RSRC1: variants seen among roughly 807,000 people sequenced by gnomAD.
RSRC1 encodes the protein serine/Arginine-related protein 53.
RSRC1 carries 39 observed loss-of-function variants against 49.1 expected under a neutral mutation model. The ratio of observed to expected loss-of-function variants is 0.79; its 90% confidence interval spans 0.61 to 1.04. RSRC1 has a LOEUF of 1.04. Ranked by LOEUF, RSRC1 falls within the 50% of genes least tolerant of loss-of-function variation. The pLI is 0.00. For missense variants in RSRC1, 388 were observed against 402.4 expected (o/e 0.96, Z 0.31); for synonymous variants, 143 against 130.8 (o/e 1.09, Z -0.63).
chr3:158,318,211 C>G (rs537155285), intron 5 of RSRC1, among the ~76,000 whole-genome samples: 1 of 152,140 alleles, frequency 6.6e-6, no homozygotes, highest in South Asian at 2.1e-4. Flanking sequence ...TTCATGGACT[C>G]CAGGTAGAAA....
chr3:158,513,028 G>C (rs1437427881), intron 7 of RSRC1, among the ~76,000 whole-genome samples: 1 of 134,596 alleles, frequency 7.4e-6, no homozygotes, highest in Non-Finnish European at 1.6e-5. Flanking sequence ...GAGACAATGG[G>C]GTTTTCTAGA....
intron 6 of RSRC1, among the ~76,000 whole-genome samples, chr3:158,452,204 G>A (rs932700991): frequency 6.6e-6 from 1 of 152,130 alleles, no homozygotes; most frequent in Non-Finnish European, 1.5e-5. Context: ...CACAGGCTCT[G>A]TGTATTGGTC....
chr3:158,467,486 A>G (rs1737943351), intron 7 of RSRC1, among the ~76,000 whole-genome samples: 1 of 152,208 alleles, frequency 6.6e-6, no homozygotes, highest in African/African-American at 2.4e-5. Flanking sequence ...AAACCATTTT[A>G]TAGACTTTAT....
At chr3:158,267,380 T>C (rs1725250498) in intron 4 of RSRC1, among the ~76,000 whole-genome samples, 1 of 152,112 alleles carries the variant, frequency 6.6e-6, no homozygotes, top group Non-Finnish European at 1.5e-5. Context: ...TTTGTCTGTG[T>C]AAATAAATGT....
chr3:158,338,484 A>T (rs1289149205), intron 5 of RSRC1, among the ~76,000 whole-genome samples: 1 of 152,200 alleles, frequency 6.6e-6, no homozygotes, highest in Non-Finnish European at 1.5e-5. Context: ...TAAGCTGTTG[A>T]TATGTGTCTC....
Position 158,211,358 on chromosome 3 carries a change from A to C in RSRC1, c.494+8113A>C, listed in dbSNP as rs147673035. Among the ~76,000 whole-genome samples the C allele has an allele frequency of 2.0e-5, 3 of 152,100 alleles. No homozygotes were observed. The East Asian group carries it at 5.8e-4, about 29-fold the overall frequency. ...TACATGAACACTTGCCAAAGATATT[A>C]CTTACCTAATTAATGAGAAAATAAG... On this transcript the variant is annotated intron_variant, in intron 4 of 9. Transcript: ENST00000611884.
At chr3:158,141,955 G>A (rs775526517) in intron 3 of RSRC1, among the ~76,000 whole-genome samples, 2 of 152,038 alleles carry the variant, frequency 1.3e-5, no homozygotes, top group African/African-American at 2.4e-5. Context: ...ATAATTAGCC[G>A]GGCGTGGTGG....
At chr3:158,404,880 C>A (rs1010928834) in intron 6 of RSRC1, among the ~76,000 whole-genome samples, 2 of 151,778 alleles carry the variant, frequency 1.3e-5, no homozygotes, top group African/African-American at 4.8e-5. Context: ...AAAAAGTTTT[C>A]TTTTTCTTTA....
At chr3:158,277,920 TGGGATTATA>T (rs1725908453) in intron 4 of RSRC1, among the ~76,000 whole-genome samples, 1 of 152,178 alleles carries the variant, frequency 6.6e-6, no homozygotes, top group South Asian at 2.1e-4. Flanking sequence ...ACCTAGTAGT[TGGGATTATA>T]GGCATGAGCC....
chr3:158,368,053 G>A (rs1731874972), intron 6 of RSRC1, among the ~76,000 whole-genome samples: 3 of 152,040 alleles, frequency 2.0e-5, no homozygotes, highest in South Asian at 2.1e-4. Context: ...AAAAAAAAAG[G>A]TACCAGCTAG....
At chr3:158,289,108 G>T (rs1726760188) in intron 4 of RSRC1, among the ~76,000 whole-genome samples, 1 of 152,032 alleles carries the variant, frequency 6.6e-6, no homozygotes, top group Non-Finnish European at 1.5e-5. Context: ...TTTCAAGTCT[G>T]TTTCTGCTAT....
chr3:158,427,220 A>G (rs1418512308), intron 6 of RSRC1, among the ~76,000 whole-genome samples: 1 of 151,844 alleles, frequency 6.6e-6, no homozygotes, highest in Non-Finnish European at 1.5e-5. Context: ...GGCTAGACTG[A>G]AGTATCACCA....
intron 4 of RSRC1, among the ~76,000 whole-genome samples, chr3:158,238,353 T>C (rs973439770): frequency 6.6e-6 from 1 of 151,962 alleles, no homozygotes. Context: ...CTTCACAGAA[T>C]TGGAAAAAAC....
At chr3:158,534,887 ATATACT>A (rs1171795149) in intron 7 of RSRC1, among the ~76,000 whole-genome samples, 1 of 151,442 alleles carries the variant, frequency 6.6e-6, no homozygotes, top group Non-Finnish European at 1.5e-5. Flanking sequence ...CAAGAAAAGA[ATATACT>A]TATATTCTCA....
chr3:158,133,242 T>C, intron 3 of RSRC1, among the ~76,000 whole-genome samples: 1 of 152,186 alleles, frequency 6.6e-6, no homozygotes, highest in East Asian at 1.9e-4. Context: ...ATTATAGAAA[T>C]GATCCAGTTG....
intron 3 of RSRC1, among the ~76,000 whole-genome samples, chr3:158,141,746 T>A (rs1039208424): frequency 6.6e-6 from 1 of 152,204 alleles, no homozygotes; most frequent in Admixed American, 6.5e-5. Flanking sequence ...AAAGCATTTG[T>A]GAACCATTAT....
chr3:158,188,045 C>G (rs1275877500), intron 3 of RSRC1, among the ~76,000 whole-genome samples: 1 of 151,824 alleles, frequency 6.6e-6, no homozygotes, highest in Non-Finnish European at 1.5e-5. Flanking sequence ...TATACTTTAC[C>G]AATATCAAGG....
chr3:158,518,206 C>T (rs1374568943), intron 7 of RSRC1, among the ~76,000 whole-genome samples: 99 of 102,140 alleles, frequency 9.7e-4, no homozygotes, highest in Middle Eastern at 7.7e-3. Context: ...TCATGATTTG[C>T]TTCTGTGACC....
intron 3 of RSRC1, among the ~76,000 whole-genome samples, chr3:158,141,641 TAA>T (rs1716753804): frequency 6.6e-6 from 1 of 152,182 alleles, no homozygotes; most frequent in Admixed American, 6.5e-5. Flanking sequence ...TAATACTACT[TAA>T]GAGTGTAGCT....
Sources: allele counts gnomAD v4.1 joint callset (sites outside exome capture counted in the v4.1 genomes callset), GRCh38; gene constraint gnomAD v4.1.1; transcripts MANE v1.5; gene names NCBI Gene and HGNC (gene_info 2026-07-23, HGNC 2026-07-21).